The following IFTAP variants were observed in gnomAD, a reference collection of about 807,000 sequenced individuals.
IFTAP encodes intraflagellar transport-associated protein.
Under a neutral mutation model 19.4 loss-of-function variants are expected in IFTAP, and 19 were observed. The ratio of observed to expected loss-of-function variants is 0.98; its 90% CI spans 0.68 to 1.44. The LOEUF (loss-of-function observed/expected upper bound fraction) is 1.44, where lower values mean the gene tolerates loss of function less well. Among genes scored for constraint, IFTAP ranks in the 40% most tolerant of loss-of-function variants. The probability of loss-of-function intolerance (pLI) is 0.00; values close to 1 mark genes in which losing one functional copy is unlikely to be tolerated. For synonymous variants in IFTAP, 85 were observed against 83.5 expected, an observed-to-expected ratio of 1.02 and a Z score of -0.10; for missense variants, 240 against 253.6, an observed-to-expected ratio of 0.95 and a Z score of 0.36.
chr11:36,611,146 A>G (rs1021087480), intron 2 of IFTAP, among the ~76,000 whole-genome samples: 9 of 152,040 alleles, frequency 5.9e-5, no homozygotes, highest in Non-Finnish European at 1.2e-4. Context: ...GTGAGCTTAC[A>G]TTGTCTACTT....
chr11:36,598,307 T>C (rs927017760), intron 1 of IFTAP: 2 of 152,262 alleles, frequency 1.3e-5, no homozygotes, highest in Non-Finnish European at 2.9e-5. Context: ...ACCTTTTTTT[T>C]TCTTTCTTTA....
At chr11:36,610,033 G>A in intron 1 of IFTAP, 48 bp from the exon 2 acceptor site, 1 of 1,522,034 alleles carries the variant, frequency 6.6e-7, no homozygotes, top group Non-Finnish European at 9.0e-7. Context: ...TTTTCAAAGG[G>A]GCTGGTATTG....
intron 4 of IFTAP, among the ~76,000 whole-genome samples, chr11:36,637,867 G>A (rs1853016725): frequency 6.6e-6 from 1 of 150,420 alleles, no homozygotes; most frequent in Non-Finnish European, 1.5e-5. Flanking sequence ...CAACAGATCT[G>A]ATTTTTGTTA....
chr11:36,607,238 C>CCAT (rs915379905), intron 1 of IFTAP, among the ~76,000 whole-genome samples: 5 of 151,934 alleles, frequency 3.3e-5, no homozygotes, highest in African/African-American at 1.2e-4. Context: ...TAAGACTGAT[C>CCAT]CATCATCATC....
chr11:36,638,324 A>T (rs1056265337), intron 4 of IFTAP, among the ~76,000 whole-genome samples: 1 of 152,134 alleles, frequency 6.6e-6, no homozygotes, highest in Non-Finnish European at 1.5e-5. Flanking sequence ...AAAACATCTT[A>T]CTAGTATGAT....
intron 1 of IFTAP, among the ~76,000 whole-genome samples, chr11:36,599,673 T>C (rs1316457967): frequency 6.6e-6 from 1 of 152,208 alleles, no homozygotes; most frequent in Non-Finnish European, 1.5e-5. Flanking sequence ...TGTAGCTCAG[T>C]TGATTGGTTG....
intron 5 of IFTAP, among the ~76,000 whole-genome samples, chr11:36,651,417 A>T (rs1268313740): frequency 6.6e-6 from 1 of 151,872 alleles, no homozygotes; most frequent in African/African-American, 2.4e-5. Flanking sequence ...TTTTCTTGTA[A>T]ATTTGTTTAA....
intron 5 of IFTAP, among the ~76,000 whole-genome samples, chr11:36,657,139 G>A (rs1198022135): frequency 6.6e-6 from 1 of 152,136 alleles, no homozygotes; most frequent in Admixed American, 6.6e-5. Context: ...TATATTGGTG[G>A]AAACAGGTTC....
intron 2 of IFTAP, among the ~76,000 whole-genome samples, chr11:36,618,005 T>G (rs1852154808): frequency 6.6e-6 from 1 of 152,072 alleles, no homozygotes; most frequent in South Asian, 2.1e-4. Flanking sequence ...ATGTATCATC[T>G]CGTTTAATCA....
chr11:36,652,877 T>G (rs1853806553), intron 5 of IFTAP, among the ~76,000 whole-genome samples: 1 of 152,102 alleles, frequency 6.6e-6, no homozygotes, highest in South Asian at 2.1e-4. Context: ...TAGAATTACC[T>G]TGCCTTAGTT....
chr11:36,602,224 T>C (rs1275602433), intron 1 of IFTAP, among the ~76,000 whole-genome samples: 1 of 152,210 alleles, frequency 6.6e-6, no homozygotes, highest in Non-Finnish European at 1.5e-5. Context: ...TTGATTTTAT[T>C]TGCAAGATCT....
intron 5 of IFTAP, among the ~76,000 whole-genome samples, chr11:36,648,625 C>G (rs530565094): frequency 5.3e-5 from 8 of 152,248 alleles, no homozygotes; most frequent in African/African-American, 1.9e-4. Flanking sequence ...TTAAAATGAG[C>G]AGGTGGCTCC....
At chr11:36,638,356 A>T (rs1409698477) in intron 4 of IFTAP, among the ~76,000 whole-genome samples, 1 of 152,184 alleles carries the variant, frequency 6.6e-6, no homozygotes, top group Non-Finnish European at 1.5e-5. Context: ...TCAGATAACA[A>T]GCCTTCTTGT....
At chr11:36,602,802 A>G (rs940501519) in intron 1 of IFTAP, among the ~76,000 whole-genome samples, 4 of 151,592 alleles carry the variant, frequency 2.6e-5, no homozygotes, top group Non-Finnish European at 4.4e-5. Flanking sequence ...TAGGGTGTTT[A>G]CTTGTAATTC....
At chr11:36,610,006 CCTACCCA>C in intron 1 of IFTAP, 68 bp from the exon 2 acceptor site, 1 of 1,352,886 alleles carries the variant, frequency 7.4e-7, no homozygotes, top group South Asian at 1.3e-5. Context: ...AATTTTTCAA[CCTACCCA>C]TCCAGAATAT....
At chr11:36,647,912 A>G (rs963705369) in intron 4 of IFTAP, 104 bp from the exon 5 acceptor site, 4 of 1,345,790 alleles carry the variant, frequency 3.0e-6, no homozygotes, top group South Asian at 1.4e-5. Flanking sequence ...TCTACATTAC[A>G]TGAGCATATT....
At chr11:36,651,157 T>A in intron 5 of IFTAP, among the ~76,000 whole-genome samples, 1 of 152,166 alleles carries the variant, frequency 6.6e-6, no homozygotes. Flanking sequence ...GTTGAACTAG[T>A]TTACAGTCCC....
chr11:36,630,102 C>G (rs913713245), intron 2 of IFTAP, among the ~76,000 whole-genome samples: 1 of 151,216 alleles, frequency 6.6e-6, no homozygotes, highest in African/African-American at 2.5e-5. Context: ...TTGGATTTCA[C>G]CAGGATTACT....
intron 1 of IFTAP, among the ~76,000 whole-genome samples, chr11:36,608,110 T>C (rs983072619): frequency 6.6e-6 from 1 of 151,764 alleles, no homozygotes; most frequent in Non-Finnish European, 1.5e-5. Context: ...TGATAACTTA[T>C]TAAATTAAAG....
Sources: gnomAD v4.1 joint callset for allele counts (sites outside exome capture counted in the v4.1 genomes callset) on GRCh38, gnomAD v4.1.1 for gene constraint, MANE v1.5 for transcripts, NCBI Gene and HGNC (gene_info 2026-07-23, HGNC 2026-07-21) for gene names.